Variants in LHPP observed in about 807,000 individuals in gnomAD.
LHPP encodes phospholysine phosphohistidine inorganic pyrophosphate phosphatase.
LHPP carries 24 observed loss-of-function variants against 30.3 expected under a neutral mutation model. The observed-to-expected ratio is 0.79, with a 90% CI of 0.57 to 1.11. LHPP has a LOEUF of 1.11. LHPP is among the 50% of genes most tolerant of loss of function. The pLI is 0.00. For missense variants in LHPP, 356 were observed against 367.2 expected (o/e 0.97, Z 0.25); for synonymous variants, 150 against 157.1 (o/e 0.95, Z 0.34).
At chr10:124,550,703 T>C (rs956565684) in intron 6 of LHPP, among the ~76,000 whole-genome samples, 18 of 152,180 alleles carry the variant, frequency 1.2e-4, no homozygotes, top group African/African-American at 3.9e-4. Context: ...GTGGGGAAGA[T>C]AGACTCACTT....
chr10:124,557,964 A>G (rs1468125760), intron 6 of LHPP, among the ~76,000 whole-genome samples: 1 of 152,086 alleles, frequency 6.6e-6, no homozygotes, highest in Non-Finnish European at 1.5e-5. Flanking sequence ...CCTTCATGTC[A>G]GCGCGTCCTG....
intron 6 of LHPP, among the ~76,000 whole-genome samples, chr10:124,557,387 G>T (rs1176221159): frequency 6.6e-6 from 1 of 152,200 alleles, no homozygotes; most frequent in Non-Finnish European, 1.5e-5. Context: ...CACAAGGGAT[G>T]GTGCCCAGGT....
intron 6 of LHPP, among the ~76,000 whole-genome samples, chr10:124,543,066 G>A (rs534635747): frequency 1.2e-3 from 182 of 152,122 alleles, no homozygotes; most frequent in African/African-American, 4.2e-3. Context: ...CCCATCTCAG[G>A]GTGTGGGCCC....
chr10:124,586,041 C>T (rs1176839272), intron 6 of LHPP, among the ~76,000 whole-genome samples: 1 of 152,086 alleles, frequency 6.6e-6, no homozygotes, highest in African/African-American at 2.4e-5. Context: ...GCCTTGACCT[C>T]CCAAAGTGCT....
At chr10:124,578,333 G>A (rs999404137) in intron 6 of LHPP, among the ~76,000 whole-genome samples, 1 of 152,238 alleles carries the variant, frequency 6.6e-6, no homozygotes, top group African/African-American at 2.4e-5. Context: ...GTCCCCACTT[G>A]ACAGGTGAGC....
chr10:124,480,109 A>G (rs993062682), intron 1 of LHPP, among the ~76,000 whole-genome samples: 1 of 152,190 alleles, frequency 6.6e-6, no homozygotes, highest in Non-Finnish European at 1.5e-5. Flanking sequence ...CTCTTTAAAC[A>G]ATAGTGCCTA....
chr10:124,586,371 C>G (rs570168096), intron 6 of LHPP, among the ~76,000 whole-genome samples: 2 of 152,340 alleles, frequency 1.3e-5, no homozygotes, highest in South Asian at 4.1e-4. Flanking sequence ...TTCCCTAGTC[C>G]TCTTCCTTCT....
At chr10:124,474,753 G>A (rs1466213641) in intron 1 of LHPP, among the ~76,000 whole-genome samples, 1 of 142,000 alleles carries the variant, frequency 7.0e-6, no homozygotes, top group Non-Finnish European at 1.6e-5. Context: ...GGGCTCGGTG[G>A]AGGAGGAGCC....
chr10:124,531,416 T>C (rs1351344168), intron 6 of LHPP, among the ~76,000 whole-genome samples: 2 of 152,214 alleles, frequency 1.3e-5, no homozygotes, highest in Non-Finnish European at 2.9e-5. Flanking sequence ...TAGAAAGAAA[T>C]TCCATACACC....
rs890935602 is a variant in LHPP, at chr10:124,567,776, G to A, written c.717-45488G>A. 4.6e-5 allele frequency among the ~76,000 whole-genome samples: 7 copies of A among 152,336 alleles called. No homozygotes were observed. The East Asian group carries it at 5.8e-4, about 13-fold the overall frequency. Reference sequence around the variant, plus strand: ...TTACACATGTGCACGCGCATGCAACGCACAAACACATGGACACACATGCGC... The same window carrying A: ...TTACACATGTGCACGCGCATGCAACACACAAACACATGGACACACATGCGC... On this transcript the variant is annotated intron_variant, in intron 6 of 6. Coordinates refer to ENST00000368842, the MANE Select transcript of LHPP (RefSeq NM_022126.4).
chr10:124,557,699 G>T (rs1221305220), intron 6 of LHPP, among the ~76,000 whole-genome samples: 1 of 152,162 alleles, frequency 6.6e-6, no homozygotes, highest in East Asian at 1.9e-4. Flanking sequence ...CTGCTGGTGG[G>T]CTCACTCCCT....
intron 6 of LHPP, among the ~76,000 whole-genome samples, chr10:124,533,037 C>T (rs1011380953): frequency 5.3e-5 from 8 of 152,168 alleles, no homozygotes; most frequent in Non-Finnish European, 1.0e-4. Context: ...GACTTACTTC[C>T]CAGGTATCCT....
In LHPP at chr10:124,597,594, C is replaced by T. The variant is rs1179017630; in HGVS notation, c.717-15670C>T. ...CAGAGCACTGTGGGAGGACTGGTGC[C>T]GCCTCCCTGCCCCCCTGCTTTCTCC... On this transcript the variant is annotated intron_variant, in intron 6 of 6. Transcript: ENST00000368842. Among the ~76,000 whole-genome samples, 5 of 152,196 alleles carry T rather than the reference C, an allele frequency of 3.3e-5. No individual in the cohort carries two copies. In the East Asian group the frequency reaches 5.8e-4, roughly 18 times the overall value.
At chr10:124,505,079 C>A (rs1954026088) in intron 5 of LHPP, among the ~76,000 whole-genome samples, 2 of 152,128 alleles carry the variant, frequency 1.3e-5, no homozygotes, top group African/African-American at 4.8e-5. Context: ...ACATCATCAT[C>A]CTCTCCTACC....
intron 3 of LHPP, among the ~76,000 whole-genome samples, chr10:124,488,935 C>T (rs1264901080): frequency 6.6e-6 from 1 of 152,064 alleles, no homozygotes; most frequent in Non-Finnish European, 1.5e-5. Flanking sequence ...TAGGATGTAG[C>T]AGGGTGTTGG....
intron 6 of LHPP, among the ~76,000 whole-genome samples, chr10:124,612,242 C>G (rs549690341): frequency 6.6e-6 from 1 of 151,984 alleles, no homozygotes; most frequent in African/African-American, 2.4e-5. Flanking sequence ...TATCTCTACA[C>G]TAAAAAATAC....
At chr10:124,536,922 G>T (rs1955041807) in intron 6 of LHPP, among the ~76,000 whole-genome samples, 1 of 152,180 alleles carries the variant, frequency 6.6e-6, no homozygotes, top group Non-Finnish European at 1.5e-5. Context: ...TCTGCTGTGG[G>T]ATGCCAGGCT....
Position 124,613,705 on chromosome 10 carries a change from T to C in LHPP, c.*345T>C. The C allele has an allele frequency of 2.6e-6, 1 of 380,818 alleles. No homozygotes were observed. The allele number at this position is 380,818 out of a possible 1,614,324, so 23.6% of individuals were successfully genotyped here. A position where few individuals can be genotyped will look rare whatever the true frequency, so the allele number is the denominator to read the frequency against. On this transcript the variant is annotated 3_prime_UTR_variant, in exon 7 of 7. Coordinates refer to ENST00000368842, the MANE Select transcript of LHPP (RefSeq NM_022126.4). ...TCTCCCAAATCCCAGAACTCACCAC[T>C]CACCATGGGCCTTTAAATGCAGTAA...
At chr10:124,607,232 G>A (rs1412099198) in intron 6 of LHPP, among the ~76,000 whole-genome samples, 1 of 152,194 alleles carries the variant, frequency 6.6e-6, no homozygotes, top group African/African-American at 2.4e-5. Context: ...AGGTCACAGG[G>A]CACTGGCCAG....
Sources: gnomAD v4.1 joint callset for allele counts (sites outside exome capture counted in the v4.1 genomes callset) on GRCh38, gnomAD v4.1.1 for gene constraint, MANE v1.5 for transcripts, NCBI Gene and HGNC (gene_info 2026-07-23, HGNC 2026-07-21) for gene names.